Variants in KIF2A observed in about 807,000 individuals in gnomAD.
KIF2A encodes kinesin-like protein KIF2A.
In KIF2A, 22 loss-of-function variants were observed where a neutral mutation model predicts 100.2. The ratio of observed to expected loss-of-function variants is 0.22; its 90% CI spans 0.16 to 0.31. The LOEUF is 0.31. KIF2A is among the 10% of genes least tolerant of loss of function. KIF2A has a pLI of 1.00. For missense variants in KIF2A, 495 were observed against 898.7 expected, an observed-to-expected ratio of 0.55 and a Z score of 5.74; for synonymous variants, 268 against 285.9, an observed-to-expected ratio of 0.94 and a Z score of 0.63.
In KIF2A at chr5:62,349,186, G is replaced by C. The variant is rs1399909346; in HGVS notation, c.280-880G>C. On this transcript the variant is annotated intron_variant, in intron 3 of 20. Coordinates refer to ENST00000407818, the MANE Select transcript of KIF2A (RefSeq NM_001098511.3). ...GTTTATTCTTCCTGGTATATCATTA[G>C]CAACCTTTACTGTACATTAGAATTA... 3.3e-5 allele frequency among the ~76,000 whole-genome samples: 5 copies of C among 151,794 alleles called. No homozygotes were observed. The South Asian group carries it at 1.0e-3, about 31-fold the overall frequency.
At position 62,373,776 on chromosome 5, in the gene KIF2A, C is replaced by G. The variant is rs61750916; in HGVS notation, c.1850C>G (p.Thr617Arg). The stretch of plus-strand genomic sequence containing the variant: ...CCAAACCAGATTGATGACTTAGAGA[C>G]ACAGTGGGGTGTGGGGAGTTCCCCT... ...HPPNQIDDLE[T>R]QWGVGSSPQR... The change falls in exon 18 of 21, where the codon ACA (threonine) becomes AGA (arginine). Residue 617 changes from threonine to arginine, a missense_variant. Thr to Arg is a moderately conservative substitution (Grantham distance 71). Coordinates refer to ENST00000407818, the MANE Select transcript of KIF2A (RefSeq NM_001098511.3). 1 of 1,612,896 alleles carries G rather than the reference C, an allele frequency of 6.2e-7. No individual in the cohort carries two copies. Among genetic ancestry groups the G allele is most frequent in the South Asian group, 1.1e-5 (1 of 91,046 alleles).
In KIF2A at chr5:62,348,037, G is replaced by T; in HGVS notation, c.160-11G>T. 6.2e-7 allele frequency: 1 copy of T among 1,613,338 alleles called. No individual in the cohort carries two copies. Among genetic ancestry groups the T allele is most frequent in the Non-Finnish European group, 8.5e-7 (1 of 1,179,470 alleles). On this transcript the variant is annotated splice_polypyrimidine_tract_variant and intron_variant, in intron 2 of 20. Coordinates refer to ENST00000407818, the MANE Select transcript of KIF2A (RefSeq NM_001098511.3). The stretch of plus-strand genomic sequence containing the variant: ...TACTCTCAAAAGACTATGTGTATGT[G>T]TTGTGAACAGATTGACCTGGAGAGC...
At chr5:62,328,134 T>C (rs1746467984) in intron 1 of KIF2A, among the ~76,000 whole-genome samples, 1 of 152,230 alleles carries the variant, frequency 6.6e-6, no homozygotes, top group South Asian at 2.1e-4. Context: ...TAAAAGTCTT[T>C]GGTATTCTAA....
intron 16 of KIF2A, among the ~76,000 whole-genome samples, chr5:62,371,600 A>T (rs562915589): frequency 6.6e-6 from 1 of 152,310 alleles, no homozygotes; most frequent in East Asian, 1.9e-4. Flanking sequence ...ACCTTAGAGA[A>T]GATACTTTAT....
At chr5:62,320,447 T>G (rs774118251) in intron 1 of KIF2A, among the ~76,000 whole-genome samples, 1 of 152,222 alleles carries the variant, frequency 6.6e-6, no homozygotes, top group Non-Finnish European at 1.5e-5. Context: ...TCCATAGATA[T>G]GAATTTACCT....
chr5:62,366,559 C>T (rs768482561), intron 16 of KIF2A, 78 bp downstream of exon 16: 8 of 852,616 alleles, frequency 9.4e-6, no homozygotes, highest in Middle Eastern at 6.0e-4. Context: ...CTGCCTCGTG[C>T]GGTGGCTCAC....
At chr5:62,312,146 T>C (rs1230729703) in intron 1 of KIF2A, among the ~76,000 whole-genome samples, 1 of 152,222 alleles carries the variant, frequency 6.6e-6, no homozygotes, top group African/African-American at 2.4e-5. Context: ...AAACTTAAAA[T>C]AGGCACTTAT....
chr5:62,352,173 T>C (rs1747888325), intron 4 of KIF2A, among the ~76,000 whole-genome samples: 1 of 150,390 alleles, frequency 6.6e-6, no homozygotes, highest in South Asian at 2.1e-4. Flanking sequence ...AAAAAAATTA[T>C]ATTTTACACA....
intron 1 of KIF2A, among the ~76,000 whole-genome samples, chr5:62,332,793 A>G (rs1746721219): frequency 6.6e-6 from 1 of 152,242 alleles, no homozygotes; most frequent in African/African-American, 2.4e-5. Context: ...GATCAATACA[A>G]TGAGATTAAC....
At chr5:62,306,765 T>G (rs1174266039) in intron 1 of KIF2A, among the ~76,000 whole-genome samples, 81 of 150,136 alleles carry the variant, frequency 5.4e-4, no homozygotes, top group Middle Eastern at 3.4e-3. Context: ...GGAAGCCGGG[T>G]GGGGAAAGGG....
intron 16 of KIF2A, among the ~76,000 whole-genome samples, chr5:62,366,903 A>G (rs967519129): frequency 6.6e-6 from 1 of 152,162 alleles, no homozygotes; most frequent in African/African-American, 2.4e-5. Flanking sequence ...CAAGAAAAAA[A>G]TGTTTTGCAT....
At chr5:62,339,406 T>G (rs544165644) in intron 1 of KIF2A, among the ~76,000 whole-genome samples, 1 of 151,628 alleles carries the variant, frequency 6.6e-6, no homozygotes, top group East Asian at 1.9e-4. Flanking sequence ...AATATAGGGA[T>G]TACAATTCCA....
chr5:62,331,759 AACG>A (rs1746662636), intron 1 of KIF2A, among the ~76,000 whole-genome samples: 1 of 45,080 alleles, frequency 2.2e-5, no homozygotes, highest in African/African-American at 9.0e-5. Flanking sequence ...TAGAAATAGA[AACG>A]AAAAAAAAAA....
At chr5:62,308,684 T>G (rs1327762841) in intron 1 of KIF2A, among the ~76,000 whole-genome samples, 1 of 152,034 alleles carries the variant, frequency 6.6e-6, no homozygotes, top group Admixed American at 6.6e-5. Flanking sequence ...CCAAGGAAAA[T>G]ATTGCATAAT....
At chr5:62,312,230 T>G (rs566443697) in intron 1 of KIF2A, among the ~76,000 whole-genome samples, 3 of 152,336 alleles carry the variant, frequency 2.0e-5, no homozygotes, top group Admixed American at 2.0e-4. Context: ...TGACAAAGAT[T>G]TTGAAACTCT....
At chr5:62,346,239 C>G (rs917704537) in intron 1 of KIF2A, among the ~76,000 whole-genome samples, 2 of 152,060 alleles carry the variant, frequency 1.3e-5, no homozygotes, top group African/African-American at 4.8e-5. Flanking sequence ...TATCTTCTCT[C>G]TACAGATTGT....
intron 3 of KIF2A, 131 bp downstream of exon 3, chr5:62,348,298 T>C: frequency 1.3e-6 from 1 of 787,832 alleles, no homozygotes; most frequent in Non-Finnish European, 2.0e-6. Flanking sequence ...TCTGCCATCA[T>C]ATTCATATAT....
chr5:62,384,878 C>T (rs1741944049), intron 20 of KIF2A, among the ~76,000 whole-genome samples: 1 of 152,136 alleles, frequency 6.6e-6, no homozygotes, highest in Non-Finnish European at 1.5e-5. Context: ...CACGGTGGCT[C>T]ATGCCTATAA....
In KIF2A at chr5:62,343,615, T is replaced by G. The variant is rs115215254; in HGVS notation, c.65-3515T>G. Among the ~76,000 whole-genome samples, 1,074 of 152,318 alleles carry G rather than the reference T, an allele frequency of 7.1e-3. 12 individuals are homozygous for G. Among genetic ancestry groups the G allele is most frequent in the African/African-American group, 0.022 (928 of 41,556 alleles). Reference sequence around the variant, plus strand: ...AGGTTTTGAGCAAAGGAGTAATATCTGACTCACTTTTTACCAGGAACATTT... The same window carrying G: ...AGGTTTTGAGCAAAGGAGTAATATCGGACTCACTTTTTACCAGGAACATTT... On this transcript the variant is annotated intron_variant, in intron 1 of 20. Transcript: ENST00000407818.
Sources: allele counts gnomAD v4.1 joint callset (sites outside exome capture counted in the v4.1 genomes callset), GRCh38; gene constraint gnomAD v4.1.1; transcripts MANE v1.5; gene names NCBI Gene and HGNC (gene_info 2026-07-23, HGNC 2026-07-21).